TAF4B: variants seen among roughly 807,000 people sequenced by gnomAD.
The protein encoded by TAF4B is TATA-box binding protein associated factor 4b.
A neutral mutation model predicts 86.4 loss-of-function variants in TAF4B; 38 were observed. The observed-to-expected ratio is 0.44, with a 90% CI of 0.34 to 0.58. The LOEUF is 0.58. TAF4B is among the 20% of genes least tolerant of loss of function. The probability of loss-of-function intolerance (pLI) is 0.02; values close to 1 mark genes in which losing one functional copy is unlikely to be tolerated. For synonymous variants in TAF4B, 388 were observed against 391.2 expected, an observed-to-expected ratio of 0.99 and a Z score of 0.10; for missense variants, 988 against 1,027.6, an observed-to-expected ratio of 0.96 and a Z score of 0.53.
chr18:26,368,329 A>G (rs569301769), intron 14 of TAF4B, among the ~76,000 whole-genome samples: 2 of 152,332 alleles, frequency 1.3e-5, no homozygotes, highest in South Asian at 4.1e-4. Context: ...ATTATTTTGG[A>G]AAACCCAAAG....
intron 1 of TAF4B, among the ~76,000 whole-genome samples, chr18:26,228,018 A>G (rs920878919): frequency 5.9e-5 from 9 of 152,330 alleles, no homozygotes; most frequent in African/African-American, 1.9e-4. Flanking sequence ...CAGTCATGCA[A>G]TTGTTACAGT....
intron 14 of TAF4B, among the ~76,000 whole-genome samples, chr18:26,368,983 G>GT (rs1415248300): frequency 6.6e-6 from 1 of 152,164 alleles, no homozygotes; most frequent in Non-Finnish European, 1.5e-5. Context: ...AAAAATGGTA[G>GT]TAAGGGTATT....
intron 11 of TAF4B, among the ~76,000 whole-genome samples, chr18:26,321,548 CT>C (rs35766251): frequency 0.8 from 112,411 of 140,638 alleles, 45,072 homozygotes; most frequent in East Asian, 0.88. Flanking sequence ...ATTCCTGTTC[CT>C]TTTTTTTTTT....
chr18:26,274,869 T>A, intron 4 of TAF4B, 45 bp downstream of exon 4: 1 of 1,612,868 alleles, frequency 6.2e-7, no homozygotes, highest in Non-Finnish European at 8.5e-7. Flanking sequence ...TCCTTGCAAG[T>A]TCTTTTGAAT....
chr18:26,315,682 CCTGTT>C (rs2056904173), intron 10 of TAF4B, among the ~76,000 whole-genome samples: 1 of 150,804 alleles, frequency 6.6e-6, no homozygotes, highest in African/African-American at 2.4e-5. Flanking sequence ...TTTTTTCTGT[CCTGTT>C]CCTTCCATAG....
chr18:26,346,510 C>A (rs1207602889), intron 13 of TAF4B, among the ~76,000 whole-genome samples: 1 of 151,474 alleles, frequency 6.6e-6, no homozygotes, highest in Non-Finnish European at 1.5e-5. Flanking sequence ...GCTGGAAGAA[C>A]CCCAAGTAGA....
rs778301689 is a variant in TAF4B at position 26,265,229 on chromosome 18, G to C, written c.403G>C (p.Val135Leu). The C allele has an allele frequency of 1.6e-5, 26 of 1,614,012 alleles. No individual in the cohort carries two copies. Among genetic ancestry groups the C allele is most frequent in the Admixed American group, 5.0e-5 (3 of 59,982 alleles). The change falls in exon 2 of 15, where the codon GTA becomes CTA. Residue 135 changes from valine to leucine, a missense_variant. Physicochemically the swap from Val to Leu is conservative, Grantham distance 32. Coordinates refer to ENST00000269142, the MANE Select transcript of TAF4B (RefSeq NM_005640.3). ...PLMLVSPQQT[V>L]TRAETTSNIT... ...GATGTTGGTATCTCCTCAGCAAACT[G>C]TAACAAGAGCCGAGACCACAAGTAA...
intron 5 of TAF4B, among the ~76,000 whole-genome samples, chr18:26,280,112 G>A (rs1333189717): frequency 6.6e-6 from 1 of 151,734 alleles, no homozygotes; most frequent in Non-Finnish European, 1.5e-5. Flanking sequence ...CATTATCTAT[G>A]TGCGGAAGAA....
intron 14 of TAF4B, among the ~76,000 whole-genome samples, chr18:26,388,280 T>C (rs1015925844): frequency 2.0e-5 from 3 of 152,260 alleles, no homozygotes; most frequent in African/African-American, 7.2e-5. Context: ...GTAATTCATA[T>C]TGGTAAACAT....
At chr18:26,339,987 G>A (rs761764294) in intron 13 of TAF4B, among the ~76,000 whole-genome samples, 3 of 152,066 alleles carry the variant, frequency 2.0e-5, no homozygotes, top group South Asian at 2.1e-4. Context: ...ATTTATTATC[G>A]GATGGTGAGG....
intron 14 of TAF4B, among the ~76,000 whole-genome samples, chr18:26,381,402 C>T (rs1465679815): frequency 6.6e-6 from 1 of 151,836 alleles, no homozygotes; most frequent in African/African-American, 2.4e-5. Context: ...GAATTAATAC[C>T]ACTTCACACA....
chr18:26,345,257 A>G (rs1029256235), intron 13 of TAF4B, among the ~76,000 whole-genome samples: 11 of 152,206 alleles, frequency 7.2e-5, no homozygotes, highest in African/African-American at 2.7e-4. Context: ...CTGTGAGCCC[A>G]CATCTCGGGC....
chr18:26,269,223 C>T (rs534779692), intron 3 of TAF4B, among the ~76,000 whole-genome samples: 1 of 94,268 alleles, frequency 1.1e-5, no homozygotes, highest in African/African-American at 3.0e-5. Flanking sequence ...CAAAGTCCTC[C>T]AGTGAGTGTT....
chr18:26,245,520 A>G (rs1467901512), intron 1 of TAF4B, among the ~76,000 whole-genome samples: 1 of 152,186 alleles, frequency 6.6e-6, no homozygotes, highest in Non-Finnish European at 1.5e-5. Context: ...CTGTCCTATC[A>G]GAGTGCCCTT....
At chr18:26,382,669 G>A (rs1422704482) in intron 14 of TAF4B, among the ~76,000 whole-genome samples, 1 of 151,912 alleles carries the variant, frequency 6.6e-6, no homozygotes, top group East Asian at 1.9e-4. Context: ...CTCATAGGGT[G>A]GTTTATTTTC....
At chr18:26,275,178 C>CA (rs1218739770) in intron 5 of TAF4B, 125 bp downstream of exon 5, 1 of 1,115,432 alleles carries the variant, frequency 9.0e-7, no homozygotes, top group Non-Finnish European at 1.2e-6. Flanking sequence ...TGTTTTGAGA[C>CA]AGAGTCTCGC....
chr18:26,287,911 T>G (rs1598761491), intron 7 of TAF4B, among the ~76,000 whole-genome samples: 1 of 152,358 alleles, frequency 6.6e-6, no homozygotes, highest in East Asian at 1.9e-4. Flanking sequence ...GCACTAATCT[T>G]TTCTCATCCC....
chr18:26,277,053 T>C (rs764851207), intron 5 of TAF4B, among the ~76,000 whole-genome samples: 30 of 152,120 alleles, frequency 2.0e-4, no homozygotes, highest in Non-Finnish European at 4.1e-4. Flanking sequence ...GGGTTAACAT[T>C]AAAACTGAAA....
chr18:26,253,924 GTTAA>G (rs773617901), intron 1 of TAF4B, among the ~76,000 whole-genome samples: 8 of 104,362 alleles, frequency 7.7e-5, no homozygotes, highest in Admixed American at 1.5e-4. Flanking sequence ...ATTTTATTTT[GTTAA>G]TTAATTTATT....
Sources: gnomAD v4.1 joint callset for allele counts (sites outside exome capture counted in the v4.1 genomes callset) on GRCh38, gnomAD v4.1.1 for gene constraint, MANE v1.5 for transcripts, NCBI Gene and HGNC (gene_info 2026-07-23, HGNC 2026-07-21) for gene names.